Variants in EPB41L5 observed in about 807,000 individuals in gnomAD.
EPB41L5 encodes erythrocyte membrane protein band 4.1 like 5.
Under a neutral mutation model 106.6 loss-of-function variants are expected in EPB41L5, and 55 were observed. The ratio of observed to expected loss-of-function variants is 0.52; its 90% CI spans 0.42 to 0.65. EPB41L5 has a LOEUF of 0.65. EPB41L5 is among the 30% of genes least tolerant of loss of function. EPB41L5 has a pLI of 0.00. For synonymous variants in EPB41L5, 297 were observed against 306.7 expected, an observed-to-expected ratio of 0.97 and a Z score of 0.33; for missense variants, 871 against 882.1, an observed-to-expected ratio of 0.99 and a Z score of 0.16.
chr2:120,165,611 C>A (rs1004040486), intron 22 of EPB41L5, among the ~76,000 whole-genome samples: 2 of 152,148 alleles, frequency 1.3e-5, no homozygotes, highest in Non-Finnish European at 2.9e-5. Flanking sequence ...CACAGATGCA[C>A]AACTCATGGA....
intron 10 of EPB41L5, 128 bp downstream of exon 10, chr2:120,078,709 C>G: frequency 3.4e-6 from 2 of 582,268 alleles, no homozygotes; most frequent in Non-Finnish European, 6.0e-6. Context: ...GCAACTGTCT[C>G]CTGTCACACT....
At chr2:120,051,369 C>T (rs931757681) in intron 3 of EPB41L5, among the ~76,000 whole-genome samples, 8 of 152,208 alleles carry the variant, frequency 5.3e-5, no homozygotes, top group African/African-American at 1.9e-4. Context: ...TGCCCCTCCC[C>T]CAGCCTCGCT....
At chr2:120,038,799 A>G (rs1401369490) in intron 2 of EPB41L5, among the ~76,000 whole-genome samples, 1 of 152,174 alleles carries the variant, frequency 6.6e-6, no homozygotes, top group Non-Finnish European at 1.5e-5. Flanking sequence ...GAATTAGCAT[A>G]TGACCCAGCA....
intron 10 of EPB41L5, among the ~76,000 whole-genome samples, chr2:120,084,039 C>T (rs1012877383): frequency 6.6e-6 from 1 of 152,134 alleles, no homozygotes; most frequent in Non-Finnish European, 1.5e-5. Context: ...ACTGGTGGGT[C>T]TTGACTCTTT....
intron 12 of EPB41L5, among the ~76,000 whole-genome samples, chr2:120,090,753 C>T (rs1683352656): frequency 6.6e-6 from 1 of 152,130 alleles, no homozygotes; most frequent in East Asian, 1.9e-4. Flanking sequence ...TGGATGTTTA[C>T]TTTATATATT....
intron 3 of EPB41L5, among the ~76,000 whole-genome samples, chr2:120,045,859 C>G (rs551034551): frequency 1.1e-4 from 17 of 151,464 alleles, no homozygotes; most frequent in Admixed American, 5.3e-4. Context: ...GCTCGCCTTC[C>G]CAAGTGTTCT....
intron 3 of EPB41L5, among the ~76,000 whole-genome samples, chr2:120,056,302 A>T (rs1181921252): frequency 2.0e-5 from 3 of 150,524 alleles, no homozygotes; most frequent in Non-Finnish European, 4.4e-5. Context: ...CATGGTTTAT[A>T]GTCTTTTTTT....
rs368546858 is a variant in EPB41L5 at position 120,174,842 on chromosome 2, T to C, written c.2137T>C (p.Ser713Pro). ...TAACCCATTCTCTCTTCCTTTCAGC[T>C]CTGGTCCCATTTTGGCAGAAGAAGC... is the stretch of plus-strand genomic sequence containing the variant. ...APFLVDAVTS[S>P]GPILAEEAVL... The change falls in exon 25 of 25, where the codon TCT (serine) becomes CCT (proline). Residue 713 changes from serine to proline, a missense_variant and splice_region_variant. Physicochemically the swap from Ser to Pro is moderately conservative, Grantham distance 74. Coordinates refer to ENST00000263713, the MANE Select transcript of EPB41L5 (RefSeq NM_020909.4). 6.2e-6 allele frequency: 10 copies of C among 1,613,984 alleles called. 1 individual carries two copies. In the South Asian group the frequency reaches 6.6e-5, roughly 11 times the overall value.
At chr2:120,094,901 G>GCTA (rs1025848023) in intron 14 of EPB41L5, among the ~76,000 whole-genome samples, 13 of 152,232 alleles carry the variant, frequency 8.5e-5, no homozygotes, top group Non-Finnish European at 1.8e-4. Flanking sequence ...AATGGGTAGA[G>GCTA]GACATACTTT....
intron 18 of EPB41L5, among the ~76,000 whole-genome samples, chr2:120,136,865 T>A (rs1013164444): frequency 1.3e-5 from 2 of 151,960 alleles, no homozygotes; most frequent in African/African-American, 4.8e-5. Flanking sequence ...AAAATTGGAT[T>A]TAATCAGTGT....
At chr2:120,098,947 A>G (rs976324407) in intron 14 of EPB41L5, among the ~76,000 whole-genome samples, 1 of 152,236 alleles carries the variant, frequency 6.6e-6, no homozygotes, top group African/African-American at 2.4e-5. Context: ...ATAAAATAAT[A>G]TTCTTGATTA....
At chr2:120,163,591 G>GTT (rs34255923) in intron 21 of EPB41L5, among the ~76,000 whole-genome samples, 3 of 138,466 alleles carry the variant, frequency 2.2e-5, no homozygotes, top group East Asian at 4.2e-4. Flanking sequence ...CCTGTTACTG[G>GTT]TTTTTTTTTT....
intron 3 of EPB41L5, among the ~76,000 whole-genome samples, chr2:120,051,162 A>T (rs1288534237): frequency 6.6e-6 from 1 of 152,162 alleles, no homozygotes; most frequent in Non-Finnish European, 1.5e-5. Context: ...TGCTGGGAGA[A>T]TCACCACTCT....
chr2:120,014,429 A>G (rs1291866299), intron 1 of EPB41L5, among the ~76,000 whole-genome samples: 1 of 152,200 alleles, frequency 6.6e-6, no homozygotes, highest in African/African-American at 2.4e-5. Flanking sequence ...GTTGGGCCAA[A>G]GTAGTGAACA....
intron 3 of EPB41L5, among the ~76,000 whole-genome samples, chr2:120,055,549 T>G (rs1003154507): frequency 1.5e-5 from 2 of 137,004 alleles, no homozygotes; most frequent in Non-Finnish European, 3.0e-5. Flanking sequence ...AGTGCAGTGG[T>G]GTGATCTCGG....
intron 10 of EPB41L5, among the ~76,000 whole-genome samples, chr2:120,085,163 C>T (rs749643219): frequency 4.6e-5 from 7 of 152,276 alleles, no homozygotes; most frequent in African/African-American, 1.2e-4. Context: ...CCATTGCTGG[C>T]GAGGAGCTAT....
chr2:120,058,353 T>C (rs1464295964), intron 3 of EPB41L5, among the ~76,000 whole-genome samples: 1 of 152,012 alleles, frequency 6.6e-6, no homozygotes. Context: ...GCCTGGCTAA[T>C]TTAAAAAATA....
At position 120,177,060 on chromosome 2, in the gene EPB41L5, G is replaced by A. The variant is rs186863754; in HGVS notation, c.*2153G>A. 4 of 152,278 alleles carry A rather than the reference G, an allele frequency of 2.6e-5. No homozygotes were observed. Among genetic ancestry groups the A allele is most frequent in the Admixed American group, 1.3e-4 (2 of 15,292 alleles). 9.4% of individuals were successfully genotyped at this position (152,278 alleles called of 1,614,324 possible). A position where few individuals can be genotyped will look rare whatever the true frequency, so the allele number is the denominator to read the frequency against. On this transcript the variant is annotated 3_prime_UTR_variant, in exon 25 of 25. Coordinates refer to ENST00000263713, the MANE Select transcript of EPB41L5 (RefSeq NM_020909.4). Reference sequence around the variant, plus strand: ...CATACTTGAATGCTGAATTGGCCCCGACAGATTAAATGCGTGTTGGGGATT... The same window carrying A: ...CATACTTGAATGCTGAATTGGCCCCAACAGATTAAATGCGTGTTGGGGATT...
chr2:120,016,486 G>C (rs1677537294), intron 1 of EPB41L5, among the ~76,000 whole-genome samples: 1 of 151,748 alleles, frequency 6.6e-6, no homozygotes, highest in African/African-American at 2.4e-5. Flanking sequence ...CTCCAAAAAA[G>C]GCCAACGTAG....
Sources: allele counts gnomAD v4.1 joint callset (sites outside exome capture counted in the v4.1 genomes callset), GRCh38; gene constraint gnomAD v4.1.1; transcripts MANE v1.5; gene names NCBI Gene and HGNC (gene_info 2026-07-23, HGNC 2026-07-21).